Variants in ALG5 observed in about 807,000 individuals in gnomAD.
ALG5 encodes the protein ALG5 dolichyl-phosphate beta-glucosyltransferase.
In ALG5, 26 loss-of-function variants were observed where a neutral mutation model predicts 51.8. The observed-to-expected ratio is 0.50, with a 90% confidence interval of 0.37 to 0.70. The LOEUF (loss-of-function observed/expected upper bound fraction) is 0.70, where lower values mean the gene tolerates loss of function less well. Ranked by LOEUF, ALG5 falls within the 30% of genes least tolerant of loss-of-function variation. ALG5 has a pLI of 0.00. For missense variants in ALG5, 311 were observed against 399.3 expected (o/e 0.78, Z 1.88); for synonymous variants, 141 against 136.1 (o/e 1.04, Z -0.25).
chr13:36,989,323 C>T (rs1373011313), intron 5 of ALG5, among the ~76,000 whole-genome samples, 161 bp downstream of exon 5: 1 of 152,116 alleles, frequency 6.6e-6, no homozygotes, highest in Non-Finnish European at 1.5e-5. Context: ...AGATATGACA[C>T]ATCTTAAAAT....
chr13:36,955,925 A>T (rs1437431939), intron 8 of ALG5, among the ~76,000 whole-genome samples: 1 of 152,156 alleles, frequency 6.6e-6, no homozygotes, highest in African/African-American at 2.4e-5. Context: ...AAAAAACTAA[A>T]TGACACTGGT....
At chr13:36,959,988 ATAAT>A (rs1481464808) in intron 8 of ALG5, among the ~76,000 whole-genome samples, 1 of 152,072 alleles carries the variant, frequency 6.6e-6, no homozygotes, top group Non-Finnish European at 1.5e-5. Context: ...ACAGTAAGGG[ATAAT>A]TATACTCTTG....
At chr13:36,998,619 AG>A (rs2138836069) in intron 1 of ALG5, among the ~76,000 whole-genome samples, 1 of 152,184 alleles carries the variant, frequency 6.6e-6, no homozygotes, top group East Asian at 1.9e-4. Context: ...TGCCTTGTTT[AG>A]GGGCAGTATA....
At chr13:36,951,784 C>T (rs2058818922) in intron 9 of ALG5, among the ~76,000 whole-genome samples, 1 of 152,052 alleles carries the variant, frequency 6.6e-6, no homozygotes, top group Admixed American at 6.6e-5. Context: ...AGTAAAAACA[C>T]TTTTAGTTAT....
chr13:36,975,282 C>T (rs889165349), intron 6 of ALG5, among the ~76,000 whole-genome samples: 1 of 152,104 alleles, frequency 6.6e-6, no homozygotes, highest in African/African-American at 2.4e-5. Flanking sequence ...GTGGGTTCTC[C>T]CGACCTCTTT....
chr13:36,956,292 C>T (rs1008514968), intron 8 of ALG5, among the ~76,000 whole-genome samples: 4 of 151,976 alleles, frequency 2.6e-5, no homozygotes, highest in Non-Finnish European at 5.9e-5. Flanking sequence ...AATTAAAGCC[C>T]CTGTCAGAAT....
At chr13:36,993,836 AAG>A (rs113842495) in intron 3 of ALG5, among the ~76,000 whole-genome samples, 164 bp from the exon 4 acceptor site, 11,500 of 152,184 alleles carry the variant, frequency 0.076, 1,467 homozygotes, top group African/African-American at 0.26. Context: ...GCTAAGTAAA[AAG>A]AGAGAGAGAG....
intron 9 of ALG5, among the ~76,000 whole-genome samples, chr13:36,952,290 T>C (rs571648416): frequency 3.4e-4 from 52 of 152,124 alleles, no homozygotes; most frequent in Non-Finnish European, 6.5e-4. Flanking sequence ...TTCGACAAGG[T>C]AGTAGGCCTA....
At chr13:36,987,407 T>C (rs1165466884) in intron 5 of ALG5, among the ~76,000 whole-genome samples, 2 of 152,180 alleles carry the variant, frequency 1.3e-5, no homozygotes, top group Admixed American at 1.3e-4. Flanking sequence ...GGGAGGTGTT[T>C]GGGTCATGGG....
At chr13:36,978,477 G>A (rs2138810464) in intron 6 of ALG5, among the ~76,000 whole-genome samples, 1 of 152,084 alleles carries the variant, frequency 6.6e-6, no homozygotes, top group African/African-American at 2.4e-5. Context: ...GTGAGCCACT[G>A]TGCCCGGTCC....
intron 4 of ALG5, among the ~76,000 whole-genome samples, chr13:36,990,845 C>T (rs1367652086): frequency 6.6e-6 from 1 of 152,174 alleles, no homozygotes; most frequent in Non-Finnish European, 1.5e-5. Flanking sequence ...TTTGTAAAAT[C>T]CCTCTCAAAT....
chr13:36,988,495 C>G (rs1475661502), intron 5 of ALG5, among the ~76,000 whole-genome samples: 2 of 152,182 alleles, frequency 1.3e-5, no homozygotes, highest in Admixed American at 1.3e-4. Flanking sequence ...CAAGTCTTTT[C>G]TCTATAGAGT....
At chr13:36,970,340 G>A (rs1159076473) in intron 7 of ALG5, among the ~76,000 whole-genome samples, 3 of 152,284 alleles carry the variant, frequency 2.0e-5, no homozygotes, top group East Asian at 1.9e-4. Context: ...GAGGCCAGGC[G>A]TGGTGGCTGA....
intron 6 of ALG5, among the ~76,000 whole-genome samples, chr13:36,972,713 C>G (rs1377723991): frequency 2.6e-5 from 4 of 152,136 alleles, no homozygotes; most frequent in African/African-American, 9.7e-5. Flanking sequence ...ATGCTTCTGG[C>G]CGGGCGTGGT....
chr13:36,985,555 T>C, intron 6 of ALG5, 72 bp downstream of exon 6: 1 of 1,237,004 alleles, frequency 8.1e-7, no homozygotes, highest in East Asian at 2.3e-5. Context: ...ATAGGTAAAC[T>C]CTCCTTTAAC....
chr13:36,999,246 C>A lies in ALG5; in HGVS notation c.55G>T (p.Ala19Ser). The A allele has an allele frequency of 6.3e-7, 1 of 1,580,728 alleles. No homozygotes were observed. The highest frequency in any genetic ancestry group is 8.6e-7 in the Non-Finnish European group (1 of 1,166,342). ...ATCCCTGTTCTCACCAGTACGAGGG[C>A]TGCGGCCGCCAGCGCCGCGCCGAGC... ...AVLGAALAAA[A>S]LVLISIVAFT... The change falls in exon 1 of 10, where the codon GCC (alanine) becomes TCC (serine). Residue 19 changes from alanine (A) to serine (S), a missense_variant. By Grantham distance (99) the Ala-to-Ser change is moderately conservative. Transcript: ENST00000239891.
chr13:36,968,828 G>T (rs1593666568), intron 7 of ALG5, among the ~76,000 whole-genome samples: 1 of 152,240 alleles, frequency 6.6e-6, no homozygotes. Context: ...TGAGGCGGAT[G>T]CATGTCTTGT....
In ALG5 at chr13:36,980,215, T is replaced by A. The variant is rs543658322; in HGVS notation, c.561+5412A>T. Among the ~76,000 whole-genome samples the A allele has an allele frequency of 2.0e-5, 3 of 152,178 alleles. No homozygotes were observed. The South Asian group carries it at 6.2e-4, about 32-fold the overall frequency. On this transcript the variant is annotated intron_variant, in intron 6 of 9. Transcript: ENST00000239891. The stretch of plus-strand genomic sequence containing the variant: ...ACTGAACAAGTGATCATCATATACT[T>A]TGGGATTATTTTTTGAAAAAATTTT...
At chr13:36,998,213 A>G (rs1457330809) in intron 1 of ALG5, among the ~76,000 whole-genome samples, 1 of 152,092 alleles carries the variant, frequency 6.6e-6, no homozygotes. Flanking sequence ...AAATCAATCA[A>G]TCAATCAATC....
Sources: gnomAD v4.1 joint callset for allele counts (sites outside exome capture counted in the v4.1 genomes callset) on GRCh38, gnomAD v4.1.1 for gene constraint, MANE v1.5 for transcripts, NCBI Gene and HGNC (gene_info 2026-07-23, HGNC 2026-07-21) for gene names.